EMSY: variants seen among roughly 807,000 people sequenced by gnomAD.
EMSY encodes EMSY transcriptional repressor, BRCA2 interacting.
In EMSY, 26 loss-of-function variants were observed where a neutral mutation model predicts 134.6. The observed-to-expected ratio is 0.19, with a 90% CI of 0.14 to 0.27. The LOEUF (loss-of-function observed/expected upper bound fraction) is 0.27, where lower values mean the gene tolerates loss of function less well. EMSY is among the 10% of genes least tolerant of loss of function. The pLI is 1.00. For missense variants in EMSY, 1,305 were observed against 1,611.4 expected (o/e 0.81, Z 3.26); for synonymous variants, 579 against 577.8 (o/e 1.00, Z -0.03).
chr11:76,452,762 A>G (rs1337480088), intron 3 of EMSY, among the ~76,000 whole-genome samples: 1 of 152,254 alleles, frequency 6.6e-6, no homozygotes, highest in Non-Finnish European at 1.5e-5. Context: ...GAAGATATGC[A>G]GCTAAAGTAT....
In EMSY at chr11:76,501,231, G is replaced by A. The variant is rs890967530; in HGVS notation, c.1363+4762G>A. ...ATGTAGAAGTTACAGAGGGCTGTAT[G>A]TATATTATCTAAAATGTCTAATTTC... On this transcript the variant is annotated intron_variant, in intron 9 of 20. Transcript: ENST00000334736. Among the ~76,000 whole-genome samples the A allele has an allele frequency of 3.3e-5, 5 of 152,168 alleles. No individual in the cohort carries two copies. In the East Asian group the frequency reaches 5.8e-4, roughly 18 times the overall value.
exon 19 of EMSY, chr11:76,544,592 A>G (rs776325823): frequency 6.2e-7 from 1 of 1,614,024 alleles, no homozygotes; most frequent in Non-Finnish European, 8.5e-7. Flanking sequence ...AGCACAGCCC[A>G]AGCCAGATGT....
At chr11:76,518,303 G>A (rs147582238) in intron 11 of EMSY, among the ~76,000 whole-genome samples, 1 of 150,484 alleles carries the variant, frequency 6.6e-6, no homozygotes, top group Non-Finnish European at 1.5e-5. Flanking sequence ...AGGTAGCTAA[G>A]ACTACAGGCC....
chr11:76,483,739 A>G (rs966643711), intron 8 of EMSY, among the ~76,000 whole-genome samples: 5 of 152,242 alleles, frequency 3.3e-5, no homozygotes, highest in African/African-American at 9.6e-5. Flanking sequence ...GAGCACCCAG[A>G]TTAATAAAGC....
intron 8 of EMSY, among the ~76,000 whole-genome samples, chr11:76,479,481 G>GC (rs910118704): frequency 6.6e-6 from 1 of 152,200 alleles, no homozygotes; most frequent in African/African-American, 2.4e-5. Context: ...TCCCCGCAAT[G>GC]CCCCACATGG....
intron 8 of EMSY, among the ~76,000 whole-genome samples, chr11:76,473,909 C>T (rs1365195121): frequency 2.7e-5 from 4 of 149,968 alleles, no homozygotes; most frequent in Non-Finnish European, 5.9e-5. Context: ...GCAGGAGAAT[C>T]GTTTGGATCA....
chr11:76,463,684 A>T, intron 6 of EMSY, 137 bp from the exon 8 acceptor site: 1 of 842,422 alleles, frequency 1.2e-6, no homozygotes. Flanking sequence ...CACTTCTCTG[A>T]GGGAAGATTG....
chr11:76,537,828 C>G (rs769892036), exon 16 of EMSY: 1 of 1,609,416 alleles, frequency 6.2e-7, no homozygotes, highest in Non-Finnish European at 8.5e-7. Context: ...CCAAGACAAC[C>G]CACTATTGAC....
At chr11:76,463,730 A>G in intron 6 of EMSY, 91 bp from the exon 8 acceptor site, 2 of 1,394,552 alleles carry the variant, frequency 1.4e-6, no homozygotes, top group Non-Finnish European at 9.8e-7. Flanking sequence ...AGACAGAGAG[A>G]GGACAAGGAT....
chr11:76,548,612 G>A (rs1215516769), intron 20 of EMSY, among the ~76,000 whole-genome samples: 1 of 152,182 alleles, frequency 6.6e-6, no homozygotes, highest in Non-Finnish European at 1.5e-5. Context: ...GACTTACTCA[G>A]AGGCCCACAG....
chr11:76,445,639 G>A (rs1282350873), intron 1 of EMSY, among the ~76,000 whole-genome samples: 1 of 152,126 alleles, frequency 6.6e-6, no homozygotes, highest in East Asian at 1.9e-4. Context: ...CTGGTTCCCC[G>A]AGCGGGCTCC....
chr11:76,509,750 T>C (rs990691567), intron 9 of EMSY, among the ~76,000 whole-genome samples: 27 of 152,228 alleles, frequency 1.8e-4, no homozygotes, highest in African/African-American at 6.5e-4. Context: ...TAAATTTTCT[T>C]GTATTTGTGG....
At chr11:76,534,378 C>T (rs2136494378) in intron 14 of EMSY, among the ~76,000 whole-genome samples, 1 of 152,228 alleles carries the variant, frequency 6.6e-6, no homozygotes, top group East Asian at 1.9e-4. Flanking sequence ...TTTGGTATTG[C>T]AGGATAGCAT....
At chr11:76,482,806 G>A (rs1197563322) in intron 8 of EMSY, among the ~76,000 whole-genome samples, 1 of 152,182 alleles carries the variant, frequency 6.6e-6, no homozygotes, top group Admixed American at 6.5e-5. Flanking sequence ...AGGGAGAATG[G>A]AATCAAGTTG....
chr11:76,542,753 G>GTTTTTTGT (rs749234059), intron 18 of EMSY, among the ~76,000 whole-genome samples: 3,068 of 108,980 alleles, frequency 0.028, 35 homozygotes, highest in Non-Finnish European at 0.033. Flanking sequence ...TTCGTTTTTT[G>GTTTTTTGT]TTTTTTTTTT....
chr11:76,539,518 A>T, intron 16 of EMSY, 81 bp from the exon 18 acceptor site: 1 of 1,418,938 alleles, frequency 7.0e-7, no homozygotes, highest in Admixed American at 1.7e-5. Flanking sequence ...GGGAACATAA[A>T]TAACCTCTGG....
At chr11:76,548,391 A>G (rs1437342939) in intron 20 of EMSY, among the ~76,000 whole-genome samples, 2 of 152,236 alleles carry the variant, frequency 1.3e-5, no homozygotes. Flanking sequence ...TCGTTCATTC[A>G]TTCATTTATT....
intron 4 of EMSY, among the ~76,000 whole-genome samples, chr11:76,456,447 G>A (rs1441724286): frequency 1.3e-5 from 2 of 152,224 alleles, no homozygotes; most frequent in Non-Finnish European, 2.9e-5. Context: ...GGTAAGTGTA[G>A]ATGTCACTTA....
intron 8 of EMSY, among the ~76,000 whole-genome samples, chr11:76,474,953 G>A (rs982105349): frequency 1.3e-5 from 2 of 151,978 alleles, no homozygotes; most frequent in African/African-American, 2.4e-5. Flanking sequence ...TAATAGAGGT[G>A]GTGTTTTGCC....
Sources: allele counts gnomAD v4.1 joint callset (sites outside exome capture counted in the v4.1 genomes callset), GRCh38; gene constraint gnomAD v4.1.1; transcripts MANE v1.5; gene names NCBI Gene and HGNC (gene_info 2026-07-23, HGNC 2026-07-21).